The following ARMC2 variants were observed in gnomAD, a reference collection of about 807,000 sequenced individuals.
The protein encoded by ARMC2 is armadillo repeat containing 2.
ARMC2 carries 67 observed loss-of-function variants against 90.3 expected under a neutral mutation model. That is an observed-to-expected ratio of 0.74 (90% CI 0.61 to 0.91). The LOEUF (loss-of-function observed/expected upper bound fraction) is 0.91. Ranked by LOEUF, ARMC2 falls within the 40% of genes least tolerant of loss-of-function variation. The pLI is 0.00. For missense variants in ARMC2, 920 were observed against 1,030.9 expected, an observed-to-expected ratio of 0.89 and a Z score of 1.47; for synonymous variants, 393 against 393.0, an observed-to-expected ratio of 1.00 and a Z score of 0.00.
chr6:109,032,236 C>A, the ARMC2 span, among the ~76,000 whole-genome samples: 1 of 152,048 alleles, frequency 6.6e-6, no homozygotes, highest in Non-Finnish European at 1.5e-5. Flanking sequence ...AATGCCATTG[C>A]ACTCCAGCCT....
At chr6:108,981,815 C>T in the ARMC2 span, among the ~76,000 whole-genome samples, 6 of 152,004 alleles carry the variant, frequency 3.9e-5, 1 homozygote, top group East Asian at 5.8e-4. Flanking sequence ...TACAGGCATG[C>T]ACCACCATGC....
intron 11 of ARMC2, among the ~76,000 whole-genome samples, chr6:108,936,332 C>T (rs1226251402): frequency 1.3e-5 from 2 of 152,206 alleles, no homozygotes; most frequent in Non-Finnish European, 2.9e-5. Flanking sequence ...TCTTGGCTCA[C>T]TGCAACCTCT....
the ARMC2 span, among the ~76,000 whole-genome samples, chr6:109,028,221 T>C: frequency 6.6e-6 from 1 of 152,254 alleles, no homozygotes; most frequent in African/African-American, 2.4e-5. Context: ...TTTATGATAT[T>C]TGAAAATAAA....
At chr6:108,991,228 A>AGT in the ARMC2 span, among the ~76,000 whole-genome samples, 7,686 of 148,108 alleles carry the variant, frequency 0.052, 214 homozygotes, top group Non-Finnish European at 0.056. Flanking sequence ...TCAAATTATG[A>AGT]GTGTGTGTGT....
chr6:108,919,458 A>G (rs1774323999), intron 10 of ARMC2, among the ~76,000 whole-genome samples: 2 of 152,212 alleles, frequency 1.3e-5, no homozygotes. Context: ...AGTAAACTGC[A>G]TACCTATAAA....
At chr6:108,996,931 C>A in the ARMC2 span, among the ~76,000 whole-genome samples, 20 of 152,080 alleles carry the variant, frequency 1.3e-4, no homozygotes, top group Non-Finnish European at 2.6e-4. Flanking sequence ...GTGAAAGAAG[C>A]CAATCTGAAA....
chr6:109,008,511 A>G, the ARMC2 span, among the ~76,000 whole-genome samples: 3 of 152,250 alleles, frequency 2.0e-5, no homozygotes, highest in Non-Finnish European at 4.4e-5. Flanking sequence ...ATGAATATAC[A>G]TAGTATACTG....
At chr6:108,980,510 GTTCTC>G in the ARMC2 span, among the ~76,000 whole-genome samples, 89 of 151,896 alleles carry the variant, frequency 5.9e-4, 1 homozygote, top group African/African-American at 2.0e-3. Context: ...CTCCTCAGGA[GTTCTC>G]CTGAGGAGAA....
intron 4 of ARMC2, among the ~76,000 whole-genome samples, chr6:108,874,706 G>A (rs1776766983): frequency 6.6e-6 from 1 of 152,164 alleles, no homozygotes; most frequent in Non-Finnish European, 1.5e-5. Context: ...CACAGAGTGG[G>A]TGCCCCGGGG....
intron 15 of ARMC2, among the ~76,000 whole-genome samples, chr6:108,963,477 A>C (rs958542157): frequency 2.6e-5 from 4 of 152,198 alleles, no homozygotes; most frequent in African/African-American, 9.7e-5. Flanking sequence ...TGCCCAACCC[A>C]GTTAACAGGG....
At chr6:109,007,570 G>A in the ARMC2 span, among the ~76,000 whole-genome samples, 1 of 152,236 alleles carries the variant, frequency 6.6e-6, no homozygotes, top group East Asian at 1.9e-4. Flanking sequence ...GTAAAGATAT[G>A]TTATATAAAA....
chr6:108,872,609 C>A (rs1398567513), intron 4 of ARMC2, among the ~76,000 whole-genome samples: 1 of 152,220 alleles, frequency 6.6e-6, no homozygotes, highest in Non-Finnish European at 1.5e-5. Context: ...ATGCTGAGCT[C>A]CCAACACGAC....
chr6:108,964,992 T>C lies in ARMC2; in HGVS notation c.2298T>C (p.Cys766=), dbSNP rs1778261386. The change falls in exon 17 of 18, where the codon TGT becomes TGC. Residue 766 remains cysteine, a synonymous_variant. Transcript: ENST00000392644. ...EGGGIKKLVD[C]LRDLGPTDWQ... is the part of the protein sequence containing the mutation. ...TTTATTAACTCAGGTTAGTGGACTG[T>C]TTAAGAGATTTGGGTCCTACTGATT... is the stretch of plus-strand genomic sequence containing the variant. 6.2e-7 allele frequency: 1 copy of C among 1,610,500 alleles called. No individual in the cohort carries two copies. The highest frequency in any genetic ancestry group is 8.5e-7 in the Non-Finnish European group (1 of 1,177,020).
the ARMC2 span, among the ~76,000 whole-genome samples, chr6:109,027,199 G>T: frequency 1.3e-4 from 20 of 151,836 alleles, no homozygotes; most frequent in African/African-American, 4.6e-4. Context: ...TTGGCTGGGG[G>T]TGGTGGCTCA....
chr6:108,852,792 C>G (rs1774139788), intron 1 of ARMC2, among the ~76,000 whole-genome samples: 1 of 152,296 alleles, frequency 6.6e-6, no homozygotes. Flanking sequence ...AACCTCTTCT[C>G]ACTTAGTGGC....
intron 3 of ARMC2, among the ~76,000 whole-genome samples, chr6:108,858,680 T>C (rs1774916427): frequency 6.6e-6 from 1 of 151,456 alleles, no homozygotes; most frequent in African/African-American, 2.4e-5. Context: ...TCTCTATATA[T>C]ACATTTACAT....
intron 1 of ARMC2, among the ~76,000 whole-genome samples, chr6:108,850,584 G>T (rs1773904423): frequency 6.6e-6 from 1 of 152,150 alleles, no homozygotes. Flanking sequence ...AGGGAAAGGA[G>T]GCTAAATCTG....
At chr6:108,888,023 T>C (rs1237497286) in intron 5 of ARMC2, among the ~76,000 whole-genome samples, 1 of 152,208 alleles carries the variant, frequency 6.6e-6, no homozygotes, top group East Asian at 1.9e-4. Context: ...ACCAAACCGC[T>C]AATGTCATTT....
intron 4 of ARMC2, among the ~76,000 whole-genome samples, chr6:108,874,271 A>G (rs1456378421): frequency 6.6e-6 from 1 of 152,114 alleles, no homozygotes; most frequent in Non-Finnish European, 1.5e-5. Flanking sequence ...TCCTTGACCT[A>G]TAGGTATGGT....
Sources: gnomAD v4.1 joint callset for allele counts (sites outside exome capture counted in the v4.1 genomes callset) on GRCh38, gnomAD v4.1.1 for gene constraint, MANE v1.5 for transcripts, NCBI Gene and HGNC (gene_info 2026-07-23, HGNC 2026-07-21) for gene names.